NALF1: variants seen among roughly 807,000 people sequenced by gnomAD.
NALF1 encodes family with sequence similarity 155 member A.
In NALF1, 3 loss-of-function variants were observed where a neutral mutation model predicts 48.4. The ratio of observed to expected loss-of-function variants is 0.06; its 90% confidence interval spans 0.03 to 0.16. The LOEUF (loss-of-function observed/expected upper bound fraction) is 0.16. Ranked by LOEUF, NALF1 falls within the 10% of genes least tolerant of loss-of-function variation. The pLI is 1.00. For synonymous variants in NALF1, 262 were observed against 245.7 expected, an observed-to-expected ratio of 1.07 and a Z score of -0.62; for missense variants, 526 against 571.5, an observed-to-expected ratio of 0.92 and a Z score of 0.81.
intron 1 of NALF1, among the ~76,000 whole-genome samples, chr13:107,634,688 A>G (rs1879927022): frequency 6.6e-6 from 1 of 152,068 alleles, no homozygotes; most frequent in African/African-American, 2.4e-5. Flanking sequence ...CAGGGAGAGA[A>G]GGCTTAAGAA....
At chr13:107,613,391 A>G (rs1184764365) in intron 1 of NALF1, among the ~76,000 whole-genome samples, 1 of 152,194 alleles carries the variant, frequency 6.6e-6, no homozygotes, top group Non-Finnish European at 1.5e-5. Flanking sequence ...CTCCAGGCCA[A>G]CTGGGGAATG....
intron 1 of NALF1, among the ~76,000 whole-genome samples, chr13:107,736,221 A>G (rs556853939): frequency 3.5e-4 from 39 of 110,544 alleles, no homozygotes; most frequent in Admixed American, 1.1e-3. Flanking sequence ...ACACACACAC[A>G]CACGCGCGCG....
At chr13:107,299,483 TAAATAAAA>T (rs1202642709) in intron 1 of NALF1, among the ~76,000 whole-genome samples, 1 of 143,582 alleles carries the variant, frequency 7.0e-6, no homozygotes, top group Non-Finnish European at 1.5e-5. Context: ...AATAAATAAA[TAAATAAAA>T]AAGAAGGATA....
chr13:107,419,071 T>C (rs575252961), intron 1 of NALF1, among the ~76,000 whole-genome samples: 2 of 152,368 alleles, frequency 1.3e-5, no homozygotes, highest in South Asian at 2.1e-4. Context: ...GTGAAGTTTC[T>C]TGTGCTTCAG....
At chr13:107,582,403 G>A (rs1878337858) in intron 1 of NALF1, among the ~76,000 whole-genome samples, 1 of 152,186 alleles carries the variant, frequency 6.6e-6, no homozygotes, top group Admixed American at 6.5e-5. Context: ...CAGAGAAGCA[G>A]GAAGGGATTC....
intron 1 of NALF1, among the ~76,000 whole-genome samples, chr13:107,552,221 C>CT (rs1313729529): frequency 3.3e-5 from 5 of 151,672 alleles, no homozygotes; most frequent in African/African-American, 1.2e-4. Context: ...AAGTGAGACT[C>CT]TATCTATTCT....
chr13:107,600,710 T>C (rs1213812738), intron 1 of NALF1, among the ~76,000 whole-genome samples: 1 of 152,124 alleles, frequency 6.6e-6, no homozygotes, highest in African/African-American at 2.4e-5. Flanking sequence ...TTCAGAAACA[T>C]ACAGGTGAAT....
At chr13:107,500,958 G>T (rs1455794109) in intron 1 of NALF1, among the ~76,000 whole-genome samples, 1 of 151,818 alleles carries the variant, frequency 6.6e-6, no homozygotes, top group African/African-American at 2.4e-5. Flanking sequence ...GTTGTGGGGT[G>T]GGGGGAGTGG....
At chr13:107,406,331 A>C (rs1437586186) in intron 1 of NALF1, among the ~76,000 whole-genome samples, 1 of 152,074 alleles carries the variant, frequency 6.6e-6, no homozygotes, top group Non-Finnish European at 1.5e-5. Context: ...ATCTGTTGCC[A>C]TATAGAAATG....
chr13:107,279,105 A>C (rs1881338749), intron 1 of NALF1, among the ~76,000 whole-genome samples: 2 of 139,792 alleles, frequency 1.4e-5, no homozygotes, highest in South Asian at 2.2e-4. Context: ...TTTCTACATC[A>C]GTTTCTAACT....
intron 1 of NALF1, among the ~76,000 whole-genome samples, chr13:107,390,619 A>T (rs540874032): frequency 6.6e-6 from 1 of 152,188 alleles, no homozygotes; most frequent in African/African-American, 2.4e-5. Flanking sequence ...GCCCAGTGGT[A>T]TTTTACTTGA....
intron 1 of NALF1, chr13:107,788,696 A>C (rs17446042): frequency 0.14 from 20,755 of 152,206 alleles, 1,821 homozygotes; most frequent in Non-Finnish European, 0.19. Context: ...TCCAGAATGC[A>C]GGGGCTTATC....
intron 1 of NALF1, among the ~76,000 whole-genome samples, chr13:107,683,807 C>T (rs73601395): frequency 3.3e-4 from 50 of 151,822 alleles, no homozygotes; most frequent in African/African-American, 1.2e-3. Context: ...GGGTCACTTG[C>T]GATTTTGTCC....
intron 1 of NALF1, among the ~76,000 whole-genome samples, chr13:107,601,273 G>A (rs989076350): frequency 6.6e-6 from 1 of 152,182 alleles, no homozygotes; most frequent in African/African-American, 2.4e-5. Context: ...CAGGATCGAG[G>A]TGGATTCCAA....
intron 1 of NALF1, among the ~76,000 whole-genome samples, chr13:107,687,589 A>T (rs1881466827): frequency 6.6e-6 from 1 of 152,026 alleles, no homozygotes; most frequent in Non-Finnish European, 1.5e-5. Flanking sequence ...AATTACAGTG[A>T]TATGTCTTAT....
At chr13:107,182,034 A>G (rs1468270590) in intron 2 of NALF1, among the ~76,000 whole-genome samples, 4 of 151,924 alleles carry the variant, frequency 2.6e-5, no homozygotes, top group African/African-American at 9.7e-5. Flanking sequence ...TCTGTATCAC[A>G]TTCTTTATCT....
chr13:107,657,341 CT>C (rs555485977), intron 1 of NALF1, among the ~76,000 whole-genome samples: 21 of 152,176 alleles, frequency 1.4e-4, no homozygotes, highest in East Asian at 1.2e-3. Context: ...TTATTTCCCC[CT>C]AACCAGGTAT....
chr13:107,411,023 C>A (rs184772760), intron 1 of NALF1, among the ~76,000 whole-genome samples: 1 of 152,104 alleles, frequency 6.6e-6, no homozygotes, highest in Non-Finnish European at 1.5e-5. Context: ...ATGCTTGCAA[C>A]TGGTCATCCA....
intron 1 of NALF1, among the ~76,000 whole-genome samples, chr13:107,448,843 C>T (rs1884694917): frequency 6.6e-6 from 1 of 152,140 alleles, no homozygotes; most frequent in African/African-American, 2.4e-5. Context: ...ATGTAGGTAC[C>T]ACTTTTCTCA....
Sources: allele counts gnomAD v4.1 joint callset (sites outside exome capture counted in the v4.1 genomes callset), GRCh38; gene constraint gnomAD v4.1.1; transcripts MANE v1.5; gene names NCBI Gene and HGNC (gene_info 2026-07-23, HGNC 2026-07-21).